The following PALM2AKAP2 variants were observed in gnomAD, a reference collection of about 807,000 sequenced individuals.
PALM2AKAP2 encodes the protein PALM2-AKAP2 fusion protein.
PALM2AKAP2 carries 37 observed loss-of-function variants against 71.5 expected under a neutral mutation model. That is an observed-to-expected ratio of 0.52 (90% CI 0.40 to 0.68). The LOEUF (loss-of-function observed/expected upper bound fraction) is 0.68, where lower values mean the gene tolerates loss of function less well. Among genes scored for constraint, PALM2AKAP2 ranks in the 30% least tolerant of loss-of-function variants. The pLI is 0.00. For synonymous variants in PALM2AKAP2, 468 were observed against 478.8 expected (o/e 0.98, Z 0.29); for missense variants, 1,224 against 1,191.8 (o/e 1.03, Z -0.40).
upstream of PALM2AKAP2, among the ~76,000 whole-genome samples, chr9:110,046,501 T>C (rs981836020): frequency 4.0e-5 from 6 of 150,202 alleles, no homozygotes; most frequent in Admixed American, 4.0e-4. Flanking sequence ...GGAGTTTCGC[T>C]CTTGTTGCCC....
chr9:110,007,075 C>G (rs1832798335), intron 6 of PALM2AKAP2, among the ~76,000 whole-genome samples: 1 of 152,050 alleles, frequency 6.6e-6, no homozygotes, highest in South Asian at 2.1e-4. Flanking sequence ...CTTCTTTTTT[C>G]TTAAAAAGGG....
intron 1 of PALM2AKAP2, among the ~76,000 whole-genome samples, chr9:109,731,544 T>C (rs1480879088): frequency 6.6e-6 from 1 of 152,210 alleles, no homozygotes; most frequent in African/African-American, 2.4e-5. Context: ...AATATGCTTT[T>C]CTTTGTATAG....
In PALM2AKAP2 at chr9:109,998,147, T is replaced by C. The variant is rs1832609690; in HGVS notation, c.497-17807T>C. Among the ~76,000 whole-genome samples the C allele has an allele frequency of 4.6e-5, 7 of 152,322 alleles. No individual in the cohort carries two copies. The South Asian group carries it at 1.4e-3, about 32-fold the overall frequency. ...TTTTGTTGTGATCAAGCAAGATGATTCCCCAGTGGGCCAATCTTTTGCCTA... is the reference window on the plus strand; with the variant it reads ...TTTTGTTGTGATCAAGCAAGATGATCCCCCAGTGGGCCAATCTTTTGCCTA... On this transcript the variant is annotated intron_variant, in intron 6 of 9. Coordinates refer to the PALM2AKAP2 transcript ENST00000302798.
chr9:109,954,550 C>CTTA (rs1428542140), intron 6 of PALM2AKAP2, among the ~76,000 whole-genome samples: 1 of 149,060 alleles, frequency 6.7e-6, no homozygotes, highest in Admixed American at 6.7e-5. Context: ...GGAGATATAC[C>CTTA]TAATGCTAGA....
At chr9:109,900,841 C>A (rs1019536945) in intron 3 of PALM2AKAP2, among the ~76,000 whole-genome samples, 4 of 152,186 alleles carry the variant, frequency 2.6e-5, no homozygotes, top group Non-Finnish European at 5.9e-5. Context: ...AGACAGTTAA[C>A]TTTGACTTCA....
intron 6 of PALM2AKAP2, among the ~76,000 whole-genome samples, chr9:109,987,652 C>G (rs1035965100): frequency 3.3e-5 from 5 of 152,088 alleles, no homozygotes; most frequent in African/African-American, 9.7e-5. Context: ...AATATAATTG[C>G]CCATAACAAG....
chr9:109,864,188 A>G (rs1829385093), intron 1 of PALM2AKAP2, among the ~76,000 whole-genome samples: 1 of 152,210 alleles, frequency 6.6e-6, no homozygotes, highest in Non-Finnish European at 1.5e-5. Context: ...GCAGTTGTAA[A>G]CATGCTAATG....
Position 109,747,764 on chromosome 9 carries a change from G to A in PALM2AKAP2, c.6-32724G>A, listed in dbSNP as rs537282028. Reference sequence around the variant, plus strand: ...GGCTCACTGCAACCTCCACATCCCAGACTCAATGGATTCTCCCACCTCAGC... The same window carrying A: ...GGCTCACTGCAACCTCCACATCCCAAACTCAATGGATTCTCCCACCTCAGC... On this transcript the variant is annotated intron_variant, in intron 1 of 6. Coordinates refer to the PALM2AKAP2 transcript ENST00000374531. 2.0e-5 allele frequency among the ~76,000 whole-genome samples: 3 copies of A among 152,182 alleles called. No homozygotes were observed. In the South Asian group the frequency reaches 6.2e-4, roughly 32 times the overall value.
At chr9:109,706,114 TG>T (rs1413407880) in intron 1 of PALM2AKAP2, among the ~76,000 whole-genome samples, 2 of 152,182 alleles carry the variant, frequency 1.3e-5, no homozygotes, top group African/African-American at 4.8e-5. Context: ...TTAACTGGTT[TG>T]AAATTTTAAT....
chr9:109,928,077 G>GT (rs919994982), intron 5 of PALM2AKAP2, among the ~76,000 whole-genome samples: 7 of 152,116 alleles, frequency 4.6e-5, no homozygotes, highest in Admixed American at 3.9e-4. Context: ...TCAATCTTCA[G>GT]TTGCCTGTAA....
intron 1 of PALM2AKAP2, among the ~76,000 whole-genome samples, chr9:109,695,456 A>G (rs1827956557): frequency 6.6e-6 from 1 of 152,054 alleles, no homozygotes; most frequent in Admixed American, 6.5e-5. Context: ...CCTCATCAGC[A>G]TTGTCATTTT....
intron 1 of PALM2AKAP2, among the ~76,000 whole-genome samples, chr9:110,133,935 G>A (rs1835789538): frequency 6.6e-6 from 1 of 152,192 alleles, no homozygotes; most frequent in Non-Finnish European, 1.5e-5. Context: ...AATGCTTAAT[G>A]ATATATGAGT....
chr9:109,668,522 T>C (rs1010154433), intron 1 of PALM2AKAP2, among the ~76,000 whole-genome samples: 1 of 152,192 alleles, frequency 6.6e-6, no homozygotes, highest in Non-Finnish European at 1.5e-5. Flanking sequence ...CTTAATCATA[T>C]GTATTGGGAG....
At chr9:109,778,108 T>C (rs1315681833), upstream of PALM2AKAP2, among the ~76,000 whole-genome samples, 6 of 152,270 alleles carry the variant, frequency 3.9e-5, no homozygotes, top group African/African-American at 7.2e-5. Context: ...TATGGTTTGA[T>C]GACAGTAAGT....
At chr9:110,042,226 A>C (rs1564274774) in intron 7 of PALM2AKAP2, among the ~76,000 whole-genome samples, 2 of 152,178 alleles carry the variant, frequency 1.3e-5, no homozygotes. Context: ...TGGGAGTTTG[A>C]GACCAGCCTG....
intron 7 of PALM2AKAP2, among the ~76,000 whole-genome samples, chr9:110,036,108 G>T (rs968897941): frequency 2.0e-5 from 3 of 151,528 alleles, no homozygotes; most frequent in Non-Finnish European, 2.9e-5. Flanking sequence ...TAGTTTTTTT[G>T]GTATTTTTAG....
At chr9:109,825,258 C>T (rs982552551) in intron 1 of PALM2AKAP2, among the ~76,000 whole-genome samples, 2 of 152,198 alleles carry the variant, frequency 1.3e-5, no homozygotes, top group Admixed American at 1.3e-4. Flanking sequence ...CATAAAAACC[C>T]TAGAAGAAAA....
chr9:109,936,431 G>A (rs927976974), intron 6 of PALM2AKAP2, among the ~76,000 whole-genome samples: 3 of 152,112 alleles, frequency 2.0e-5, no homozygotes, highest in Admixed American at 2.0e-4. Flanking sequence ...CATCACAATA[G>A]CCATTTTTAC....
At chr9:110,131,651 T>C (rs1390080628) in intron 1 of PALM2AKAP2, among the ~76,000 whole-genome samples, 2 of 152,354 alleles carry the variant, frequency 1.3e-5, no homozygotes, top group African/African-American at 4.8e-5. Flanking sequence ...CAGGCCATCA[T>C]GCATGAAGGC....
Sources: gnomAD v4.1 joint callset for allele counts (sites outside exome capture counted in the v4.1 genomes callset) on GRCh38, gnomAD v4.1.1 for gene constraint, MANE v1.5 for transcripts, NCBI Gene and HGNC (gene_info 2026-07-23, HGNC 2026-07-21) for gene names.